PRKX: variants seen among roughly 807,000 people sequenced by gnomAD.
PRKX encodes cAMP-dependent protein kinase catalytic subunit PRKX.
Under a neutral mutation model 22.0 loss-of-function variants are expected in PRKX, and 12 were observed. That is an observed-to-expected ratio of 0.54 (90% CI 0.35 to 0.88). The LOEUF is 0.88. PRKX is among the 40% of genes least tolerant of loss of function. The probability of loss-of-function intolerance (pLI) is 0.01; values close to 1 mark genes in which losing one functional copy is unlikely to be tolerated. For missense variants in PRKX, 217 were observed against 308.0 expected (o/e 0.70, Z 2.21); for synonymous variants, 134 against 137.7 (o/e 0.97, Z 0.19).
intron 3 of PRKX, among the ~76,000 whole-genome samples, chrX:3,647,266 C>T (rs190302420): frequency 0.016 from 1,729 of 105,770 alleles, 38 homozygotes; most frequent in African/African-American, 0.056. Context: ...ATAATTATAG[C>T]TACATATAAC....
intron 2 of PRKX, among the ~76,000 whole-genome samples, chrX:3,672,485 G>A (rs1157333709): frequency 9.0e-6 from 1 of 110,939 alleles, no homozygotes; most frequent in Non-Finnish European, 1.9e-5. Context: ...TTAACTTGCG[G>A]GAGCTCAAGA....
intron 5 of PRKX, among the ~76,000 whole-genome samples, chrX:3,622,031 C>CTACT (rs745635157): frequency 9.3e-4 from 103 of 110,854 alleles, no homozygotes; most frequent in Middle Eastern, 4.6e-3. Flanking sequence ...GTGGTCCCAG[C>CTACT]TACTTGGGAG....
chrX:3,621,172 G>T, intron 6 of PRKX, 87 bp downstream of exon 6: 1 of 843,497 alleles, frequency 1.2e-6, no homozygotes, highest in Admixed American at 2.5e-5. Context: ...CTAAGCCTTG[G>T]TTTATACCTG....
chrX:3,677,324 T>C (rs1927981677), intron 1 of PRKX, among the ~76,000 whole-genome samples: 2 of 52,653 alleles, frequency 3.8e-5, no homozygotes, highest in South Asian at 1.6e-3. Context: ...TATATTGTTT[T>C]GTCTTTTTTT....
In PRKX at chrX:3,661,894, G is replaced by A. The variant is rs191457366; in HGVS notation, c.336-6482C>T. ...AAAGTTCAAAAGCAATAGAAGATAAGAGGGTTTATCACAATGGATATGAGA... is the reference window on the plus strand; with the variant it reads ...AAAGTTCAAAAGCAATAGAAGATAAAAGGGTTTATCACAATGGATATGAGA... On this transcript the variant is annotated intron_variant, in intron 2 of 8. Transcript: ENST00000262848. Among the ~76,000 whole-genome samples, 13 of 111,989 alleles carry A rather than the reference G, an allele frequency of 1.2e-4. No homozygotes were observed. The East Asian group carries it at 3.6e-3, about 31-fold the overall frequency.
chrX:3,689,772 T>C (rs745939362), intron 1 of PRKX, among the ~76,000 whole-genome samples: 1 of 111,377 alleles, frequency 9.0e-6, no homozygotes, highest in Non-Finnish European at 1.9e-5. Flanking sequence ...GGTCAGGAGA[T>C]CGAGACCATC....
intron 5 of PRKX, among the ~76,000 whole-genome samples, chrX:3,625,755 T>C (rs1357619993): frequency 9.0e-6 from 1 of 110,671 alleles, no homozygotes; most frequent in Non-Finnish European, 1.9e-5. Flanking sequence ...ATATTTTCAG[T>C]AGAGCCGAGG....
chrX:3,626,147 C>T (rs763140078), intron 5 of PRKX, among the ~76,000 whole-genome samples: 4 of 112,185 alleles, frequency 3.6e-5, no homozygotes, highest in East Asian at 5.6e-4. Flanking sequence ...TTATAAAATA[C>T]GATGACAAAC....
intron 1 of PRKX, among the ~76,000 whole-genome samples, chrX:3,703,167 G>C (rs752015560): frequency 2.7e-5 from 3 of 111,412 alleles, no homozygotes; most frequent in Admixed American, 9.6e-5. Flanking sequence ...TGTAGTCCCA[G>C]CTACTTGGGA....
intron 3 of PRKX, among the ~76,000 whole-genome samples, chrX:3,649,887 C>A: frequency 9.3e-6 from 1 of 107,633 alleles, no homozygotes; most frequent in East Asian, 3.0e-4. Flanking sequence ...CGCCTGTAAT[C>A]CCAAAACTTT....
chrX:3,618,984 C>T (rs1425820074), intron 6 of PRKX, among the ~76,000 whole-genome samples: 3 of 112,045 alleles, frequency 2.7e-5, no homozygotes, highest in Admixed American at 9.5e-5. Context: ...TGAAGGTATC[C>T]GTTGCTGTCC....
intron 2 of PRKX, chrX:3,667,310 C>G (rs767109270): frequency 8.9e-6 from 1 of 111,779 alleles, no homozygotes; most frequent in Admixed American, 9.5e-5. Context: ...TTTGGAGACG[C>G]CTTACCGTAG....
chrX:3,688,109 G>A (rs1161084040), intron 1 of PRKX, among the ~76,000 whole-genome samples: 1 of 110,718 alleles, frequency 9.0e-6, no homozygotes, highest in East Asian at 2.8e-4. Flanking sequence ...CTCCAGCCTG[G>A]GCGACAGAGC....
At position 3,607,316 on chromosome X, in the gene PRKX, TCTC is replaced by T; in HGVS notation, c.*1650_*1652del. ...TTCCTCGCGCAGGGGGCCATGCTAA[TCTC>T]CTCTGTGTCATTCCAATTTTAGTAT... On this transcript the variant is annotated 3_prime_UTR_variant, in exon 9 of 9. Transcript: ENST00000262848. 9.0e-6 allele frequency: 1 copy of T among 111,676 alleles called. No homozygotes were observed. The highest frequency in any genetic ancestry group is 2.8e-4 in the East Asian group (1 of 3,567). The allele number at this position is 111,676 out of a possible 1,213,427, so 9.2% of individuals were successfully genotyped here. A position where few individuals can be genotyped will look rare whatever the true frequency, so the allele number is the denominator to read the frequency against.
At chrX:3,619,294 T>C (rs186178510) in intron 6 of PRKX, among the ~76,000 whole-genome samples, 150 of 109,867 alleles carry the variant, frequency 1.4e-3, no homozygotes, top group Middle Eastern at 0.01. Context: ...TAGGGATGCC[T>C]GGAGCCCCCA....
At chrX:3,614,141 A>G (rs1324512644) in intron 7 of PRKX, among the ~76,000 whole-genome samples, 1 of 112,080 alleles carries the variant, frequency 8.9e-6, no homozygotes, top group Admixed American at 9.5e-5. Flanking sequence ...ATCCGGCCAT[A>G]AAATGGAATG....
intron 1 of PRKX, among the ~76,000 whole-genome samples, chrX:3,689,716 A>G (rs10436771): frequency 0.25 from 27,229 of 110,783 alleles, 2,521 homozygotes; most frequent in East Asian, 0.43. Flanking sequence ...GGTGGCTCAC[A>G]CCTGTAATCC....
At chrX:3,682,661 G>C (rs1402985313) in intron 1 of PRKX, among the ~76,000 whole-genome samples, 1 of 112,145 alleles carries the variant, frequency 8.9e-6, no homozygotes, top group Non-Finnish European at 1.9e-5. Context: ...AAGAGGCAGA[G>C]AGTACAGTGA....
chrX:3,639,520 GT>G (rs1294453217), intron 4 of PRKX, among the ~76,000 whole-genome samples: 1 of 34,850 alleles, frequency 2.9e-5, no homozygotes, highest in Non-Finnish European at 6.0e-5. Context: ...GAAGGAGTGG[GT>G]GGGTGGATGG....
Sources: allele counts gnomAD v4.1 joint callset (sites outside exome capture counted in the v4.1 genomes callset), GRCh38; gene constraint gnomAD v4.1.1; transcripts MANE v1.5; gene names NCBI Gene and HGNC (gene_info 2026-07-23, HGNC 2026-07-21).